ARVCF: variants seen among roughly 807,000 people sequenced by gnomAD.
ARVCF encodes the protein splicing regulator ARVCF.
ARVCF carries 66 observed loss-of-function variants against 90.9 expected under a neutral mutation model. The ratio of observed to expected loss-of-function variants is 0.73; its 90% CI spans 0.60 to 0.89. The LOEUF (loss-of-function observed/expected upper bound fraction) is 0.89, where lower values mean the gene tolerates loss of function less well. Ranked by LOEUF, ARVCF falls within the 40% of genes least tolerant of loss-of-function variation. ARVCF has a pLI of 0.00. For synonymous variants in ARVCF, 653 were observed against 603.4 expected, an observed-to-expected ratio of 1.08 and a Z score of -1.21; for missense variants, 1,469 against 1,382.3, an observed-to-expected ratio of 1.06 and a Z score of -1.00.
chr22:20,006,586 A>T (rs935272880), intron 2 of ARVCF, among the ~76,000 whole-genome samples: 5 of 151,222 alleles, frequency 3.3e-5, no homozygotes, highest in Middle Eastern at 3.2e-3. Context: ...CTCAAAAAAA[A>T]AAAAGAGGCT....
At chr22:20,007,380 T>C (rs1166939897) in intron 2 of ARVCF, among the ~76,000 whole-genome samples, 1 of 152,230 alleles carries the variant, frequency 6.6e-6, no homozygotes, top group Non-Finnish European at 1.5e-5. Flanking sequence ...CCAGTCTGGG[T>C]GACAGAGCGA....
chr22:19,992,859 C>A (rs1944080908), intron 2 of ARVCF, among the ~76,000 whole-genome samples: 1 of 152,228 alleles, frequency 6.6e-6, no homozygotes, highest in Non-Finnish European at 1.5e-5. Flanking sequence ...CTCCAGCACA[C>A]CCTGGCTCTG....
chr22:19,978,826 C>T (rs1396395322), intron 7 of ARVCF, 71 bp downstream of exon 7: 18 of 1,527,748 alleles, frequency 1.2e-5, no homozygotes, highest in Non-Finnish European at 1.6e-5. Context: ...CCGCCATCTT[C>T]CACACTATCT....
At chr22:19,975,923 G>T (rs1286220282) in intron 10 of ARVCF, among the ~76,000 whole-genome samples, 166 bp from the exon 11 acceptor site, 1 of 152,162 alleles carries the variant, frequency 6.6e-6, no homozygotes, top group Non-Finnish European at 1.5e-5. Context: ...TGGGCAGACA[G>T]TTTAGCCTAG....
chr22:20,014,823 C>G (rs1368395360), intron 1 of ARVCF, among the ~76,000 whole-genome samples: 1 of 152,196 alleles, frequency 6.6e-6, no homozygotes, highest in Non-Finnish European at 1.5e-5. Flanking sequence ...TGTCCTTACT[C>G]AGGACAGCCT....
chr22:19,977,933 T>G (rs1165690803), intron 8 of ARVCF, 25 bp downstream of exon 8: 1 of 1,579,868 alleles, frequency 6.3e-7, no homozygotes, highest in African/African-American at 1.3e-5. Context: ...GCCCTTGGTA[T>G]GAGGCTGTGA....
Position 19,970,372 on chromosome 22 carries a change from G to T in ARVCF, c.*384C>A. The T allele has an allele frequency of 4.9e-6, 5 of 1,016,586 alleles. No individual in the cohort carries two copies. Among genetic ancestry groups the T allele is most frequent in the Non-Finnish European group, 4.7e-6 (4 of 848,312 alleles). The allele number at this position is 1,016,586 out of a possible 1,614,324, so 63.0% of individuals were successfully genotyped here. A position where few individuals can be genotyped will look rare whatever the true frequency, so the allele number is the denominator to read the frequency against. On this transcript the variant is annotated 3_prime_UTR_variant, in exon 20 of 20. Coordinates refer to ENST00000263207, the MANE Select transcript of ARVCF (RefSeq NM_001670.3). ...GCTGCCTGCCCCTGGCGCCAGACCT[G>T]GCCCGCACCACTGGGGCACTGTGTT...
chr22:19,989,839 C>T (rs1016093257), intron 3 of ARVCF, among the ~76,000 whole-genome samples: 1 of 152,168 alleles, frequency 6.6e-6, no homozygotes, highest in African/African-American at 2.4e-5. Context: ...TTCCCCGTGG[C>T]TGCTGGGACA....
intron 2 of ARVCF, among the ~76,000 whole-genome samples, 164 bp downstream of exon 2, chr22:20,010,291 C>T (rs1944779077): frequency 6.6e-6 from 1 of 152,218 alleles, no homozygotes; most frequent in Non-Finnish European, 1.5e-5. Flanking sequence ...CTCACATCCA[C>T]CCTGTCCAGC....
At chr22:19,968,732 CCT>C, downstream of ARVCF, 1 of 1,569,182 alleles carries the variant, frequency 6.4e-7, no homozygotes, top group Non-Finnish European at 8.6e-7. Flanking sequence ...GAAGCAGGGC[CCT>C]GACTGCCCCC....
chr22:19,997,925 G>A (rs146360040), intron 2 of ARVCF, among the ~76,000 whole-genome samples: 2 of 152,248 alleles, frequency 1.3e-5, no homozygotes, highest in Admixed American at 6.5e-5. Context: ...CCTTAGGGAG[G>A]GCAGGCGCAG....
chr22:19,967,086 T>A (rs1942440651), downstream of ARVCF: 1 of 1,237,000 alleles, frequency 8.1e-7, no homozygotes, highest in African/African-American at 1.6e-5. Context: ...CGTAAAGGAG[T>A]GGGCCCCTGG....
rs376803100 is a variant in ARVCF at position 19,981,389 on chromosome 22, G to A, written c.718C>T (p.Pro240Ser). 35 of 1,593,542 alleles carry A rather than the reference G, an allele frequency of 2.2e-5. No individual in the cohort carries two copies. The highest frequency in any genetic ancestry group is 2.7e-5 in the Non-Finnish European group (32 of 1,172,088). ...PGHREAFPVG[P>S]EPGPPGGRSL... ...CGGCCACCTGGTGGCCCAGGCTCAG[G>A]ACCCACCGGGAAGGCTTCCCGGTGG... is the stretch of plus-strand genomic sequence containing the variant. Residue 240 changes from proline (P) to serine (S), a missense_variant, in exon 5 of 20, where the codon CCT becomes TCT. Pro to Ser is a moderately conservative substitution (Grantham distance 74). Transcript: ENST00000263207.
intron 2 of ARVCF, among the ~76,000 whole-genome samples, chr22:20,005,269 C>CCA (rs1944579530): frequency 6.6e-6 from 1 of 151,766 alleles, no homozygotes; most frequent in Admixed American, 6.6e-5. Flanking sequence ...ATATAAACGG[C>CCA]CAACAAGCAC....
intron 3 of ARVCF, among the ~76,000 whole-genome samples, chr22:19,988,756 G>A (rs1231672860): frequency 6.6e-6 from 1 of 152,250 alleles, no homozygotes; most frequent in African/African-American, 2.4e-5. Context: ...AGCCCAAGGA[G>A]GCCCTGCCTC....
At position 19,973,690 on chromosome 22, in the gene ARVCF, A is replaced by G; in HGVS notation, c.2192T>C (p.Ile731Thr). Residue 731 changes from isoleucine (I) to threonine (T), a missense_variant, in exon 13 of 20, where the codon ATC becomes ACC. Transcript: ENST00000263207. ...GTCCAGCGAGAGGTTGCGCAGAGCG[A>G]TGGCGACGGCGCGCACCACCTTGTC... ...ETDKVVRAVA[I>T]ALRNLSLDRR... 1.2e-6 allele frequency: 2 copies of G among 1,610,532 alleles called. No individual in the cohort carries two copies. The highest frequency in any genetic ancestry group is 1.7e-6 in the Non-Finnish European group (2 of 1,179,856).
At chr22:19,980,443 C>A in intron 5 of ARVCF, 1 of 757,618 alleles carries the variant, frequency 1.3e-6, no homozygotes, top group Non-Finnish European at 1.9e-6. Context: ...AGCCAAATGC[C>A]AAACCCCAGC....
chr22:19,995,216 G>C (rs1944201479), intron 2 of ARVCF, among the ~76,000 whole-genome samples: 1 of 151,714 alleles, frequency 6.6e-6, no homozygotes. Flanking sequence ...TGAGAGGATG[G>C]GTGAATGGTG....
Position 19,980,028 on chromosome 22 carries a change from C to T in ARVCF, c.1111G>A (p.Val371Met), listed in dbSNP as rs770753341. ...PEVLAMLRHP[V>M]DPVKANAAAY... ...GCCGCATTGGCCTTCACGGGGTCCA[C>T]GGGGTGCCGCAGCATGGCCAGCACC... Residue 371 changes from valine to methionine, a missense_variant, in exon 6 of 20, where the codon GTG becomes ATG. By Grantham distance (21) the Val-to-Met change is conservative (BLOSUM62 1). Transcript: ENST00000263207. 29 of 1,589,342 alleles carry T rather than the reference C, an allele frequency of 1.8e-5. No individual in the cohort carries two copies. The highest frequency in any genetic ancestry group is 1.8e-4 in the Admixed American group (10 of 57,032).
Sources: gnomAD v4.1 joint callset for allele counts (sites outside exome capture counted in the v4.1 genomes callset) on GRCh38, gnomAD v4.1.1 for gene constraint, MANE v1.5 for transcripts, NCBI Gene and HGNC (gene_info 2026-07-23, HGNC 2026-07-21) for gene names.